Variants in CCDC134 observed in about 807,000 individuals in gnomAD.
CCDC134 encodes coiled-coil domain containing 134.
In CCDC134, 27 loss-of-function variants were observed where a neutral mutation model predicts 25.6. The observed-to-expected ratio is 1.05, with a 90% CI of 0.78 to 1.45. The LOEUF (loss-of-function observed/expected upper bound fraction) is 1.45, where lower values mean the gene tolerates loss of function less well. CCDC134 is among the 40% of genes most tolerant of loss of function. The pLI is 0.00. For synonymous variants in CCDC134, 110 were observed against 115.0 expected (o/e 0.96, Z 0.28); for missense variants, 261 against 286.7 (o/e 0.91, Z 0.65).
At position 41,827,754 on chromosome 22, in the gene CCDC134, C is replaced by T. The variant is rs145636343; in HGVS notation, c.*1931C>T. 3.5e-3 allele frequency among the ~76,000 whole-genome samples: 526 copies of T among 152,322 alleles called. 4 individuals carry two copies. Among genetic ancestry groups the T allele is most frequent in the African/African-American group, 0.012 (513 of 41,568 alleles). On this transcript the variant is annotated 3_prime_UTR_variant, in exon 7 of 7. Coordinates refer to ENST00000255784, the MANE Select transcript of CCDC134 (RefSeq NM_024821.5). ...TTCCCTGCCTCCAGACCCTATTTTC[C>T]TGCATCAACGGGAAAGGGTCAGATT...
Position 41,800,680 on chromosome 22 carries a change from G to C in CCDC134, c.-103G>C, listed in dbSNP as rs139562. The C allele has an allele frequency of 0.17, 25,286 of 152,390 alleles. 3,041 individuals carry two copies. The highest frequency in any genetic ancestry group is 0.36 in the Admixed American group (5,468 of 15,292). 9.4% of individuals were successfully genotyped at this position (152,390 alleles called of 1,614,324 possible). On this transcript the variant is annotated 5_prime_UTR_variant, in exon 1 of 7. Coordinates refer to ENST00000255784, the MANE Select transcript of CCDC134 (RefSeq NM_024821.5). The stretch of plus-strand genomic sequence containing the variant: ...TGCTAGCCGTTTGCTCCCGCTTTCA[G>C]TTGCTTTGCTGTTAGCCTGTTGGAC...
At chr22:41,807,927 A>G (rs1346690682) in intron 1 of CCDC134, among the ~76,000 whole-genome samples, 1 of 152,038 alleles carries the variant, frequency 6.6e-6, no homozygotes, top group Non-Finnish European at 1.5e-5. Context: ...TTGGGAGGAC[A>G]AGGCAGGCGG....
At chr22:41,823,220 ATTTTTTT>A (rs34103607) in intron 6 of CCDC134, among the ~76,000 whole-genome samples, 1 of 127,458 alleles carries the variant, frequency 7.8e-6, no homozygotes. Flanking sequence ...CATTACCAGA[ATTTTTTT>A]TTTTTTTTTT....
chr22:41,809,033 G>T (rs780457044), intron 2 of CCDC134, 40 bp downstream of exon 2: 1 of 1,519,086 alleles, frequency 6.6e-7, no homozygotes. Flanking sequence ...GTCTTTGAGA[G>T]GTCTATAAAT....
intron 6 of CCDC134, among the ~76,000 whole-genome samples, chr22:41,819,963 T>TTATATATATATATATATATATA (rs34213936): frequency 4.1e-4 from 34 of 82,608 alleles, no homozygotes; most frequent in African/African-American, 1.8e-3. Context: ...ACTTACCACT[T>TTATATATATATATATATATATA]TATATATATA....
In CCDC134 at chr22:41,830,938, T is replaced by C. The variant is rs1276359101; in HGVS notation, c.*5115T>C. Among the ~76,000 whole-genome samples, 1 of 144,296 alleles carries C rather than the reference T, an allele frequency of 6.9e-6. No individual in the cohort carries two copies. Among genetic ancestry groups the C allele is most frequent in the Non-Finnish European group, 1.5e-5 (1 of 67,330 alleles). 94.7% of individuals were successfully genotyped at this position (144,296 alleles called of 152,430 possible). On this transcript the variant is annotated 3_prime_UTR_variant, in exon 7 of 7. Coordinates refer to ENST00000255784, the MANE Select transcript of CCDC134 (RefSeq NM_024821.5). ...CAGTCTCCTGTTGCCCAGGCTGGAG[T>C]GCAATGGCGCGATCTCTGCTCACCG...
At chr22:41,802,866 A>G (rs2148301768) in intron 1 of CCDC134, among the ~76,000 whole-genome samples, 1 of 152,004 alleles carries the variant, frequency 6.6e-6, no homozygotes, top group Admixed American at 6.5e-5. Flanking sequence ...GTGAACCGAG[A>G]TCGCACCACT....
At chr22:41,819,978 T>TATAC (rs377128130) in intron 6 of CCDC134, among the ~76,000 whole-genome samples, 20,880 of 125,008 alleles carry the variant, frequency 0.17, 2,722 homozygotes, top group Admixed American at 0.38. Context: ...TATATATATA[T>TATAC]ATATATATAT....
At chr22:41,812,952 T>A (rs1251115024) in intron 4 of CCDC134, among the ~76,000 whole-genome samples, 1 of 152,174 alleles carries the variant, frequency 6.6e-6, no homozygotes, top group Non-Finnish European at 1.5e-5. Context: ...AAGATGTGCC[T>A]TTGGGCTGAC....
intron 6 of CCDC134, among the ~76,000 whole-genome samples, chr22:41,814,973 G>A (rs563931078): frequency 2.2e-4 from 33 of 152,178 alleles, no homozygotes; most frequent in Non-Finnish European, 3.8e-4. Context: ...ATAGTGAACC[G>A]CAGCAAATGT....
At chr22:41,814,874 G>T (rs1027130573) in intron 6 of CCDC134, among the ~76,000 whole-genome samples, 1 of 152,198 alleles carries the variant, frequency 6.6e-6, no homozygotes, top group African/African-American at 2.4e-5. Flanking sequence ...TCCCACGGAG[G>T]TGACACAGAG....
At position 41,809,871 on chromosome 22, in the gene CCDC134, C is replaced by G; in HGVS notation, c.104-8C>G. The G allele has an allele frequency of 6.2e-6, 10 of 1,614,154 alleles. No individual in the cohort carries two copies. The highest frequency in any genetic ancestry group is 7.6e-6 in the Non-Finnish European group (9 of 1,180,016). On this transcript the variant is annotated splice_region_variant and splice_polypyrimidine_tract_variant and intron_variant, in intron 2 of 6. Coordinates refer to ENST00000255784, the MANE Select transcript of CCDC134 (RefSeq NM_024821.5). The stretch of plus-strand genomic sequence containing the variant: ...TTGATGCCAGCCCCTTAACTTAATT[C>G]TGCCCAGACAAGAAGATGTTTGAGG...
intron 6 of CCDC134, among the ~76,000 whole-genome samples, chr22:41,823,910 T>C (rs1227818993): frequency 2.0e-5 from 3 of 152,246 alleles, no homozygotes; most frequent in Non-Finnish European, 4.4e-5. Context: ...TTGTTTTTTT[T>C]CTCATCCACA....
intron 3 of CCDC134, 50 bp downstream of exon 3, chr22:41,810,050 G>C (rs1174555820): frequency 6.2e-7 from 1 of 1,610,140 alleles, no homozygotes; most frequent in Admixed American, 1.7e-5. Context: ...TTTGATCTAG[G>C]CACTGATGGG....
At chr22:41,823,299 A>T (rs968784819) in intron 6 of CCDC134, among the ~76,000 whole-genome samples, 5 of 144,464 alleles carry the variant, frequency 3.5e-5, no homozygotes, top group Non-Finnish European at 6.0e-5. Flanking sequence ...ATCTCAGCTC[A>T]CTGCAACCCC....
At chr22:41,818,280 C>T (rs925783309) in intron 6 of CCDC134, among the ~76,000 whole-genome samples, 6 of 152,170 alleles carry the variant, frequency 3.9e-5, no homozygotes, top group Non-Finnish European at 7.3e-5. Context: ...GGACCTAGTG[C>T]CTGGGTTTTT....
intron 6 of CCDC134, among the ~76,000 whole-genome samples, chr22:41,819,267 G>A (rs1281020400): frequency 6.6e-6 from 1 of 152,218 alleles, no homozygotes; most frequent in Non-Finnish European, 1.5e-5. Context: ...CAGGGGGCTG[G>A]CCCTGTCGCA....
At chr22:41,802,563 A>T (rs1353432335) in intron 1 of CCDC134, among the ~76,000 whole-genome samples, 1 of 152,166 alleles carries the variant, frequency 6.6e-6, no homozygotes, top group Admixed American at 6.6e-5. Context: ...TGAGGTTGAG[A>T]GTTCGAGACC....
chr22:41,826,217 C>A lies in CCDC134; in HGVS notation c.*394C>A. 5.4e-6 allele frequency: 1 copy of A among 186,502 alleles called. No homozygotes were observed. The highest frequency in any genetic ancestry group is 1.1e-5 in the Non-Finnish European group (1 of 87,834). 11.6% of individuals were successfully genotyped at this position (186,502 alleles called of 1,614,324 possible). A position where few individuals can be genotyped will look rare whatever the true frequency, so the allele number is the denominator to read the frequency against. ...TCAGGGTGCCACCCTGCTGCTGGCC[C>A]CACTGTGTCACAGAGCTGCCTGGCA... is the stretch of plus-strand genomic sequence containing the variant. On this transcript the variant is annotated 3_prime_UTR_variant, in exon 7 of 7. Coordinates refer to ENST00000255784, the MANE Select transcript of CCDC134 (RefSeq NM_024821.5).
Sources: allele counts gnomAD v4.1 joint callset (sites outside exome capture counted in the v4.1 genomes callset), GRCh38; gene constraint gnomAD v4.1.1; transcripts MANE v1.5; gene names NCBI Gene and HGNC (gene_info 2026-07-23, HGNC 2026-07-21).